Variants in PDE4D observed in about 807,000 individuals in gnomAD.
PDE4D encodes the protein 3',5'-cyclic-AMP phosphodiesterase 4D.
PDE4D carries 24 observed loss-of-function variants against 87.4 expected under a neutral mutation model. The ratio of observed to expected loss-of-function variants is 0.27; its 90% CI spans 0.20 to 0.39. PDE4D has a LOEUF of 0.39. Ranked by LOEUF, PDE4D falls within the 10% of genes least tolerant of loss-of-function variation. PDE4D has a pLI of 1.00. For synonymous variants in PDE4D, 384 were observed against 383.2 expected (o/e 1.00, Z -0.02); for missense variants, 714 against 1,041.0 (o/e 0.69, Z 4.32).
chr5:60,194,080 A>G (rs752667835), intron 1 of PDE4D, among the ~76,000 whole-genome samples: 3 of 151,538 alleles, frequency 2.0e-5, no homozygotes, highest in Non-Finnish European at 4.4e-5. Context: ...AATTATCCTT[A>G]TAACCCTATG....
At position 58,990,908 on chromosome 5, in the gene PDE4D, GT is replaced by G; in HGVS notation, c.1189-7del. On this transcript the variant is annotated splice_polypyrimidine_tract_variant and splice_region_variant and intron_variant, in intron 8 of 14. Transcript: ENST00000340635. ...TTGTTCACATCTTCTAGTTCCTGGAGTGAAAAAAAAAAAAAGATACTAAAAT... is the reference window on the plus strand; with the variant it reads ...TTGTTCACATCTTCTAGTTCCTGGAGGAAAAAAAAAAAAAGATACTAAAAT... The G allele has an allele frequency of 7.3e-7, 1 of 1,361,798 alleles. No individual in the cohort carries two copies. Among genetic ancestry groups the G allele is most frequent in the Admixed American group, 2.1e-5 (1 of 47,548 alleles). The allele number at this position is 1,361,798 out of a possible 1,614,324, so 84.4% of individuals were successfully genotyped here. A position where few individuals can be genotyped will look rare whatever the true frequency, so the allele number is the denominator to read the frequency against.
At chr5:59,274,153 C>T (rs1764362524) in intron 1 of PDE4D, among the ~76,000 whole-genome samples, 1 of 152,058 alleles carries the variant, frequency 6.6e-6, no homozygotes, top group African/African-American at 2.4e-5. Context: ...ACAGGACTCT[C>T]CAAATTTGTT....
At chr5:59,455,198 T>C (rs1295745435) in intron 1 of PDE4D, among the ~76,000 whole-genome samples, 1 of 152,136 alleles carries the variant, frequency 6.6e-6, no homozygotes, top group Non-Finnish European at 1.5e-5. Flanking sequence ...ATGTCTGAGG[T>C]CTTCATGGCA....
At chr5:59,194,526 T>C (rs1033192095) in intron 2 of PDE4D, among the ~76,000 whole-genome samples, 1 of 152,136 alleles carries the variant, frequency 6.6e-6, no homozygotes, top group African/African-American at 2.4e-5. Flanking sequence ...CTCAATAAAT[T>C]GTTACCAATA....
intron 2 of PDE4D, among the ~76,000 whole-genome samples, chr5:60,010,242 T>G (rs1028277766): frequency 6.6e-6 from 1 of 152,180 alleles, no homozygotes. Flanking sequence ...GTCTACTCAT[T>G]TGTAGAACAG....
At chr5:59,805,644 A>G (rs531411664) in intron 1 of PDE4D, among the ~76,000 whole-genome samples, 8 of 152,360 alleles carry the variant, frequency 5.3e-5, no homozygotes, top group Admixed American at 5.2e-4. Flanking sequence ...CTCTCAGTGA[A>G]TGCTGGAGAC....
intron 1 of PDE4D, among the ~76,000 whole-genome samples, chr5:60,423,926 A>T (rs1743385426): frequency 6.6e-6 from 1 of 152,242 alleles, no homozygotes; most frequent in Non-Finnish European, 1.5e-5. Context: ...CAAATAAACT[A>T]GAAAATCTAG....
chr5:60,399,389 GATTATGT>G (rs1458962025), intron 1 of PDE4D, among the ~76,000 whole-genome samples: 1 of 152,214 alleles, frequency 6.6e-6, no homozygotes, highest in African/African-American at 2.4e-5. Flanking sequence ...AAAATGAGTT[GATTATGT>G]ATTGTCAGAC....
chr5:58,975,607 C>T lies in PDE4D; in HGVS notation c.2013+50G>A. ...ATATGTAATACAAAGTAACCAAATGCTAAAGCGGTAGCTCTGTTCTCTCTG... is the reference window on the plus strand; with the variant it reads ...ATATGTAATACAAAGTAACCAAATGTTAAAGCGGTAGCTCTGTTCTCTCTG... On this transcript the variant is annotated intron_variant, in intron 14 of 14. Coordinates refer to ENST00000340635, the MANE Select transcript of PDE4D (RefSeq NM_001104631.2). The surrounding 1 kb of genome is among the most constrained non-coding windows in gnomAD (Gnocchi z 4.2). The T allele has an allele frequency of 7.3e-7, 1 of 1,363,104 alleles. No homozygotes were observed. Among genetic ancestry groups the T allele is most frequent in the Non-Finnish European group, 9.7e-7 (1 of 1,029,850 alleles). 84.4% of individuals were successfully genotyped at this position (1,363,104 alleles called of 1,614,324 possible). A position where few individuals can be genotyped will look rare whatever the true frequency, so the allele number is the denominator to read the frequency against.
chr5:59,233,593 C>T (rs1226116504), intron 1 of PDE4D, among the ~76,000 whole-genome samples: 2 of 152,078 alleles, frequency 1.3e-5, no homozygotes, highest in South Asian at 2.1e-4. Context: ...AGGCTAAATG[C>T]CTTTCTAGAG....
At chr5:60,473,669 C>T (rs76725851) in intron 1 of PDE4D, among the ~76,000 whole-genome samples, 1,602 of 152,180 alleles carry the variant, frequency 0.011, 31 homozygotes, top group African/African-American at 0.036. Flanking sequence ...TGCCACTCCA[C>T]TCCTCAGATC....
At chr5:60,297,678 G>C (rs1394390396) in intron 1 of PDE4D, among the ~76,000 whole-genome samples, 1 of 152,030 alleles carries the variant, frequency 6.6e-6, no homozygotes, top group Non-Finnish European at 1.5e-5. Flanking sequence ...AAAATTGCTG[G>C]TATTATCCTA....
intron 5 of PDE4D, among the ~76,000 whole-genome samples, chr5:59,082,402 A>T (rs1396714880): frequency 6.6e-6 from 1 of 152,180 alleles, no homozygotes; most frequent in Non-Finnish European, 1.5e-5. Flanking sequence ...GAGAGAAGGA[A>T]ATCATTCTAT....
At chr5:59,582,693 T>C (rs1051641904) in intron 1 of PDE4D, among the ~76,000 whole-genome samples, 9 of 152,182 alleles carry the variant, frequency 5.9e-5, no homozygotes, top group Non-Finnish European at 1.3e-4. Flanking sequence ...AGACTAAACC[T>C]TTTAGAAATT....
intron 1 of PDE4D, among the ~76,000 whole-genome samples, chr5:59,568,837 G>A (rs1271459588): frequency 6.6e-6 from 1 of 151,746 alleles, no homozygotes; most frequent in African/African-American, 2.4e-5. Context: ...GTGGGGCCCT[G>A]GAATAGAAAA....
In PDE4D at chr5:59,728,797, G is replaced by A. The variant is rs541553797; in HGVS notation, c.455+164371C>T. 4.6e-5 allele frequency among the ~76,000 whole-genome samples: 7 copies of A among 152,084 alleles called. 1 individual carries two copies. The highest frequency in any genetic ancestry group is 1.7e-4 in the African/African-American group (7 of 41,504). ...TTAATTTGTCTCTCAATCCAATTTT[G>A]GTAGAGCAAGATTTAAAATAAATGG... On this transcript the variant is annotated intron_variant, in intron 1 of 14. Transcript: ENST00000340635.
At chr5:59,037,363 G>A (rs1381390508) in intron 6 of PDE4D, among the ~76,000 whole-genome samples, 1 of 152,074 alleles carries the variant, frequency 6.6e-6, no homozygotes, top group Non-Finnish European at 1.5e-5. Context: ...TAAGAACTCA[G>A]GCCCATGGCA....
intron 2 of PDE4D, among the ~76,000 whole-genome samples, chr5:60,080,466 A>G (rs1236180890): frequency 6.6e-6 from 1 of 152,214 alleles, no homozygotes; most frequent in Non-Finnish European, 1.5e-5. Flanking sequence ...ACCAGTTTTC[A>G]AATGGAATGC....
chr5:59,489,525 T>G (rs1805804100), intron 1 of PDE4D, among the ~76,000 whole-genome samples: 1 of 152,230 alleles, frequency 6.6e-6, no homozygotes, highest in Non-Finnish European at 1.5e-5. Flanking sequence ...GTTTAAAATA[T>G]GTATATTAAG....
Sources: allele counts gnomAD v4.1 joint callset (sites outside exome capture counted in the v4.1 genomes callset), GRCh38; gene constraint gnomAD v4.1.1; non-coding constraint Gnocchi (gnomAD v3.1); transcripts MANE v1.5; gene names NCBI Gene and HGNC (gene_info 2026-07-23, HGNC 2026-07-21).